MOG: variants seen among roughly 807,000 people sequenced by gnomAD.
MOG encodes the protein myelin oligodendrocyte glycoprotein, also known as myelin-oligodendrocyte glycoprotein.
A neutral mutation model predicts 35.9 loss-of-function variants in MOG; 20 were observed. The observed-to-expected ratio is 0.56, with a 90% CI of 0.39 to 0.81. The LOEUF is 0.81. Among genes scored for constraint, MOG ranks in the 30% least tolerant of loss-of-function variants. The probability of loss-of-function intolerance (pLI) is 0.00; values close to 1 mark genes in which losing one functional copy is unlikely to be tolerated. For synonymous variants in MOG, 92 were observed against 114.3 expected (o/e 0.80, Z 1.25); for missense variants, 251 against 301.0 (o/e 0.83, Z 1.23).
At position 29,662,668 on chromosome 6, in the gene MOG, T is replaced by G. The variant is rs1411588502; in HGVS notation, c.436+3002T>G. On this transcript the variant is annotated intron_variant, in intron 2 of 7. Coordinates refer to ENST00000376917, the MANE Select transcript of MOG (RefSeq NM_206809.4). The surrounding 1 kb of genome is among the most constrained non-coding windows in gnomAD (Gnocchi z 4.2). Reference sequence around the variant, plus strand: ...CAGCATGATCATTTCTTTTTTTTCTTTTTATTTATTTTGAGACAGGATCTG... The same window carrying G: ...CAGCATGATCATTTCTTTTTTTTCTGTTTATTTATTTTGAGACAGGATCTG... 1.3e-5 allele frequency among the ~76,000 whole-genome samples: 2 copies of G among 152,088 alleles called. No individual in the cohort carries two copies. Among genetic ancestry groups the G allele is most frequent in the Non-Finnish European group, 2.9e-5 (2 of 68,024 alleles).
rs758495901 is a variant in MOG at position 29,670,897 on chromosome 6, T to C, written c.730+176T>C. The C allele has an allele frequency of 6.2e-7, 1 of 1,600,858 alleles. No homozygotes were observed. Among genetic ancestry groups the C allele is most frequent in the Non-Finnish European group, 8.5e-7 (1 of 1,173,780 alleles). ...GGAGGTAGAGGGCAAAGAAGCCAGC[T>C]GTTAGAGACACATTTACAGGTGGCA... On this transcript the variant is annotated intron_variant, in intron 7 of 7. Coordinates refer to ENST00000376917, the MANE Select transcript of MOG (RefSeq NM_206809.4). This position sits in a 1 kb window ranked among gnomAD's most constrained non-coding sequence, Gnocchi z 4.2.
In MOG at chr6:29,662,971, T is replaced by A. The variant is rs1374926343; in HGVS notation, c.437-3181T>A. ...AGCCACTGCACCCAGCGAAGAACAC[T>A]TTTTAAAAAATAAATAGGCCGGGCG... On this transcript the variant is annotated intron_variant, in intron 2 of 7. Transcript: ENST00000376917. The surrounding 1 kb of genome is among the most constrained non-coding windows in gnomAD (Gnocchi z 4.2). Among the ~76,000 whole-genome samples the A allele has an allele frequency of 1.3e-5, 2 of 151,902 alleles. No homozygotes were observed. The highest frequency in any genetic ancestry group is 2.9e-5 in the Non-Finnish European group (2 of 68,004).
intron 2 of MOG, among the ~76,000 whole-genome samples, chr6:29,660,206 A>G (rs913166007): frequency 6.6e-6 from 1 of 151,560 alleles, no homozygotes; most frequent in Non-Finnish European, 1.5e-5. Flanking sequence ...ACCCGTCTCT[A>G]AAAAAAACAA....
At chr6:29,668,038 CTT>C in intron 5 of MOG, 114 bp downstream of exon 5, 1 of 926,082 alleles carries the variant, frequency 1.1e-6, no homozygotes. Flanking sequence ...CCTCTCTTCT[CTT>C]TTCTTTCTTT....
In MOG at chr6:29,660,365, C is replaced by CAA. The variant is rs41283830; in HGVS notation, c.436+714_436+715dup. On this transcript the variant is annotated intron_variant, in intron 2 of 7. Coordinates refer to ENST00000376917, the MANE Select transcript of MOG (RefSeq NM_206809.4). ...TGAAACCCCGTCTCTACTAAAAATA[C>CAA]AAAAAAAAAAAAAAAATTAGCCAGG... Among the ~76,000 whole-genome samples the CAA allele has an allele frequency of 2.9e-3, 333 of 114,612 alleles. 1 individual carries two copies. The highest frequency in any genetic ancestry group is 9.9e-3 in the African/African-American group (317 of 32,086). The allele number at this position is 114,612 out of a possible 152,430, so 75.2% of individuals were successfully genotyped here.
intron 2 of MOG, among the ~76,000 whole-genome samples, chr6:29,661,074 G>A (rs530232342): frequency 3.3e-5 from 5 of 152,132 alleles, no homozygotes; most frequent in Non-Finnish European, 5.9e-5. Flanking sequence ...TTGCTCTATC[G>A]CAGGATGATT....
At position 29,670,910 on chromosome 6, in the gene MOG, T is replaced by G; in HGVS notation, c.730+189T>G. On this transcript the variant is annotated intron_variant, in intron 7 of 7. Coordinates refer to ENST00000376917, the MANE Select transcript of MOG (RefSeq NM_206809.4). This position sits in a 1 kb window ranked among gnomAD's most constrained non-coding sequence, Gnocchi z 4.2. ...AAAGAAGCCAGCTGTTAGAGACACA[T>G]TTACAGGTGGCAGAGAAGCTGGAGG... is the stretch of plus-strand genomic sequence containing the variant. 1 of 1,606,818 alleles carries G rather than the reference T, an allele frequency of 6.2e-7. No individual in the cohort carries two copies. The highest frequency in any genetic ancestry group is 8.5e-7 in the Non-Finnish European group (1 of 1,176,964).
Position 29,657,316 on chromosome 6 carries a change from C to T in MOG, c.88+19C>T. ...TATGCAGGTAAGACATGTTTTTTTT[C>T]CTGCCCTGGGGAGACCCTGAAAACA... On this transcript the variant is annotated intron_variant, in intron 1 of 7. Transcript: ENST00000376917. 3 of 1,544,192 alleles carry T rather than the reference C, an allele frequency of 1.9e-6. No homozygotes were observed. Among genetic ancestry groups the T allele is most frequent in the Non-Finnish European group, 8.8e-7 (1 of 1,135,022 alleles).
At chr6:29,660,559 AGC>A (rs201649160) in intron 2 of MOG, among the ~76,000 whole-genome samples, 28 of 96,208 alleles carry the variant, frequency 2.9e-4, no homozygotes, top group South Asian at 4.6e-4. Context: ...TGTATTTGTG[AGC>A]GCACACACAC....
intron 1 of MOG, among the ~76,000 whole-genome samples, chr6:29,657,663 C>CTTT (rs9278226): frequency 7.5e-4 from 82 of 109,926 alleles, no homozygotes; most frequent in African/African-American, 8.8e-4. Flanking sequence ...TTTTTCTTTT[C>CTTT]TTTTTTTTTT....
At position 29,671,247 on chromosome 6, in the gene MOG, G is replaced by A. The variant is rs1236339644; in HGVS notation, c.*62G>A. 46 of 1,612,200 alleles carry A rather than the reference G, an allele frequency of 2.9e-5. 2 individuals carry two copies. The South Asian group carries it at 4.4e-4, about 15-fold the overall frequency. Reference sequence around the variant, plus strand: ...GGTTGCCCAGGGATTTGTCCTTGGGGACATCTCATCCATCAAGTTGCACAC... The same window carrying A: ...GGTTGCCCAGGGATTTGTCCTTGGGAACATCTCATCCATCAAGTTGCACAC... On this transcript the variant is annotated 3_prime_UTR_variant, in exon 8 of 8. Coordinates refer to ENST00000376917, the MANE Select transcript of MOG (RefSeq NM_206809.4).
Position 29,670,200 on chromosome 6 carries a change from G to C in MOG, c.593-81G>C, listed in dbSNP as rs1771146545. Reference sequence around the variant, plus strand: ...GTCCTTTGGTGTTCTAGGACCCCAGGTTAAGGAACCAAAAAAGACAGGTGG... The same window carrying C: ...GTCCTTTGGTGTTCTAGGACCCCAGCTTAAGGAACCAAAAAAGACAGGTGG... On this transcript the variant is annotated intron_variant, in intron 5 of 7. Coordinates refer to ENST00000376917, the MANE Select transcript of MOG (RefSeq NM_206809.4). This position sits in a 1 kb window ranked among gnomAD's most constrained non-coding sequence, Gnocchi z 4.2. The C allele has an allele frequency of 6.2e-7, 1 of 1,614,036 alleles. No individual in the cohort carries two copies. Among genetic ancestry groups the C allele is most frequent in the Non-Finnish European group, 8.5e-7 (1 of 1,180,018 alleles).
At chr6:29,660,544 A>C (rs1768380848) in intron 2 of MOG, among the ~76,000 whole-genome samples, 2 of 130,490 alleles carry the variant, frequency 1.5e-5, no homozygotes, top group Non-Finnish European at 1.6e-5. Flanking sequence ...AAAAAAAAAA[A>C]ACCCTGTATT....
chr6:29,663,380 A>T (rs1231876917), intron 2 of MOG, among the ~76,000 whole-genome samples: 1 of 152,094 alleles, frequency 6.6e-6, no homozygotes. Context: ...TAATATCATC[A>T]AATACCCAGT....
chr6:29,668,719 T>G (rs1583153387), intron 5 of MOG, among the ~76,000 whole-genome samples: 1 of 152,172 alleles, frequency 6.6e-6, no homozygotes, highest in African/African-American at 2.4e-5. Flanking sequence ...AATAGTATCT[T>G]TGTTTTGGAG....
intron 2 of MOG, among the ~76,000 whole-genome samples, chr6:29,665,734 T>TAGGAAGTCAGGGGATTCAAAGC (rs1413103540): frequency 1.3e-4 from 20 of 150,440 alleles, no homozygotes; most frequent in African/African-American, 2.7e-4. Context: ...GAACTACATA[T>TAGGAAGTCAGGGGATTCAAAGC]TTGAAATACA....
chr6:29,671,594 C>T lies in MOG; in HGVS notation c.*409C>T. 2 of 730,914 alleles carry T rather than the reference C, an allele frequency of 2.7e-6. No homozygotes were observed. Among genetic ancestry groups the T allele is most frequent in the Non-Finnish European group, 4.9e-6 (2 of 406,452 alleles). The allele number at this position is 730,914 out of a possible 1,614,324, so 45.3% of individuals were successfully genotyped here. On this transcript the variant is annotated 3_prime_UTR_variant, in exon 8 of 8. Coordinates refer to ENST00000376917, the MANE Select transcript of MOG (RefSeq NM_206809.4). Reference sequence around the variant, plus strand: ...CTTTGCAAATGGTGGTTGTTTCTTCCAAGACTCCAGCCCTGATTGCGCAAA... The same window carrying T: ...CTTTGCAAATGGTGGTTGTTTCTTCTAAGACTCCAGCCCTGATTGCGCAAA...
chr6:29,666,095 T>C (rs1215536039), intron 2 of MOG, 57 bp from the exon 3 acceptor site: 4 of 1,057,798 alleles, frequency 3.8e-6, no homozygotes, highest in Non-Finnish European at 5.9e-6. Flanking sequence ...CCAGACACCA[T>C]GCTGAGTGTT....
intron 5 of MOG, among the ~76,000 whole-genome samples, chr6:29,668,568 T>A (rs1770715534): frequency 6.6e-6 from 1 of 152,202 alleles, no homozygotes; most frequent in South Asian, 2.1e-4. Context: ...CTGAGCAAAC[T>A]TCCTTCACAG....
Sources: gnomAD v4.1 joint callset for allele counts (sites outside exome capture counted in the v4.1 genomes callset) on GRCh38, gnomAD v4.1.1 for gene constraint, Gnocchi (gnomAD v3.1) non-coding constraint, MANE v1.5 for transcripts, NCBI Gene and HGNC (gene_info 2026-07-23, HGNC 2026-07-21) for gene names.